Variants in SORCS1 observed in about 807,000 individuals in gnomAD.
The protein encoded by SORCS1 is sortilin related VPS10 domain containing receptor 1.
A neutral mutation model predicts 146.1 loss-of-function variants in SORCS1; 60 were observed. That is an observed-to-expected ratio of 0.41 (90% CI 0.33 to 0.51). SORCS1 has a LOEUF of 0.51. Among genes scored for constraint, SORCS1 ranks in the 20% least tolerant of loss-of-function variants. SORCS1 has a pLI of 0.21. For synonymous variants in SORCS1, 637 were observed against 584.0 expected, an observed-to-expected ratio of 1.09 and a Z score of -1.31; for missense variants, 1,352 against 1,487.6, an observed-to-expected ratio of 0.91 and a Z score of 1.50.
chr10:106,785,858 C>A (rs1053900534), intron 3 of SORCS1, among the ~76,000 whole-genome samples: 1 of 152,070 alleles, frequency 6.6e-6, no homozygotes, highest in African/African-American at 2.4e-5. Context: ...ACAATGAGGT[C>A]CATTTCATGT....
chr10:106,790,327 G>A (rs1390165400), intron 3 of SORCS1, among the ~76,000 whole-genome samples: 2 of 152,110 alleles, frequency 1.3e-5, no homozygotes, highest in Admixed American at 6.5e-5. Context: ...TCACTGAGAC[G>A]ATGAGTTATT....
intron 1 of SORCS1, among the ~76,000 whole-genome samples, chr10:107,109,484 T>C (rs990122907): frequency 5.3e-5 from 8 of 152,288 alleles, no homozygotes; most frequent in Middle Eastern, 3.4e-3. Context: ...GAGCCAAGGA[T>C]GGAGCCAGAG....
At chr10:106,710,862 C>T (rs1489987449) in intron 6 of SORCS1, among the ~76,000 whole-genome samples, 1 of 152,178 alleles carries the variant, frequency 6.6e-6, no homozygotes. Context: ...TTTAAAGACT[C>T]TTCATTTGCA....
rs923465094 is a variant in SORCS1, at chr10:106,902,263, T to C, written c.626+54250A>G. Reference sequence around the variant, plus strand: ...ACCTAGCAATTTTTAAAATAGTCCCTAACCTTTAGTCCAGTATCTTCCCCC... The same window carrying C: ...ACCTAGCAATTTTTAAAATAGTCCCCAACCTTTAGTCCAGTATCTTCCCCC... On this transcript the variant is annotated intron_variant, in intron 2 of 25. Coordinates refer to ENST00000263054, the MANE Select transcript of SORCS1 (RefSeq NM_052918.5). Among the ~76,000 whole-genome samples the C allele has an allele frequency of 7.2e-5, 11 of 152,138 alleles. 1 individual carries two copies. Among genetic ancestry groups the C allele is most frequent in the Admixed American group, 5.2e-4 (8 of 15,272 alleles).
At chr10:106,870,273 C>T (rs1438440349) in intron 2 of SORCS1, among the ~76,000 whole-genome samples, 1 of 152,142 alleles carries the variant, frequency 6.6e-6, no homozygotes, top group Non-Finnish European at 1.5e-5. Flanking sequence ...CTGGCCAAAG[C>T]AACCTACAGA....
intron 1 of SORCS1, among the ~76,000 whole-genome samples, chr10:107,109,219 C>T (rs983570158): frequency 9.2e-5 from 14 of 152,190 alleles, no homozygotes; most frequent in South Asian, 4.1e-4. Flanking sequence ...GTGAGGACTC[C>T]GTGGGGGGCC....
intron 3 of SORCS1, among the ~76,000 whole-genome samples, chr10:106,825,101 T>C (rs1044167609): frequency 2.0e-5 from 3 of 152,134 alleles, no homozygotes; most frequent in Non-Finnish European, 2.9e-5. Flanking sequence ...TTATATTCTT[T>C]AATCCTTGAA....
intron 5 of SORCS1, among the ~76,000 whole-genome samples, chr10:106,732,741 A>C (rs934446806): frequency 1.3e-5 from 2 of 152,164 alleles, no homozygotes; most frequent in Admixed American, 1.3e-4. Flanking sequence ...AATAAATAAT[A>C]GCAGTAGTTT....
At chr10:106,859,098 C>G (rs927551493) in intron 2 of SORCS1, among the ~76,000 whole-genome samples, 1 of 152,232 alleles carries the variant, frequency 6.6e-6, no homozygotes. Context: ...AGCAGACAAG[C>G]TGGTACTGGT....
chr10:107,105,845 A>C (rs1488035116), intron 1 of SORCS1, among the ~76,000 whole-genome samples: 2 of 152,136 alleles, frequency 1.3e-5, no homozygotes, highest in African/African-American at 4.8e-5. Context: ...TCAAGTTGAC[A>C]CTCAATATTA....
intron 6 of SORCS1, among the ~76,000 whole-genome samples, chr10:106,714,448 GA>G (rs1431248001): frequency 6.6e-6 from 1 of 151,964 alleles, no homozygotes; most frequent in African/African-American, 2.4e-5. Flanking sequence ...TCCTAGTTTT[GA>G]AAAATATACC....
intron 2 of SORCS1, among the ~76,000 whole-genome samples, chr10:106,901,845 C>T (rs1433664622): frequency 6.6e-6 from 1 of 152,078 alleles, no homozygotes; most frequent in African/African-American, 2.4e-5. Context: ...AGATGGAGAC[C>T]ATCCTGGCTA....
At chr10:106,650,805 G>A (rs1433897790) in intron 18 of SORCS1, among the ~76,000 whole-genome samples, 1 of 152,090 alleles carries the variant, frequency 6.6e-6, no homozygotes, top group East Asian at 1.9e-4. Flanking sequence ...CTTAAGAAAG[G>A]AATTTTAGCT....
At chr10:107,022,772 A>C (rs1958204176) in intron 1 of SORCS1, among the ~76,000 whole-genome samples, 1 of 152,220 alleles carries the variant, frequency 6.6e-6, no homozygotes, top group South Asian at 2.1e-4. Context: ...ACAACACAGC[A>C]GTGGTTCAGG....
chr10:106,576,665 C>A lies in SORCS1; in HGVS notation c.*755G>T, dbSNP rs1256809429. ...GGGATCTTCAACTCGCATCTTTGTTCCTGTGGCCACAGAGAGTGCAGAAAG... is the reference window on the plus strand; with the variant it reads ...GGGATCTTCAACTCGCATCTTTGTTACTGTGGCCACAGAGAGTGCAGAAAG... On this transcript the variant is annotated 3_prime_UTR_variant, in exon 26 of 26. Coordinates refer to ENST00000263054, the MANE Select transcript of SORCS1 (RefSeq NM_052918.5). The A allele has an allele frequency of 6.6e-6, 1 of 152,228 alleles. No individual in the cohort carries two copies. The highest frequency in any genetic ancestry group is 2.4e-5 in the African/African-American group (1 of 41,440). 9.4% of individuals were successfully genotyped at this position (152,228 alleles called of 1,614,324 possible). A position where few individuals can be genotyped will look rare whatever the true frequency, so the allele number is the denominator to read the frequency against.
At chr10:106,758,979 T>C (rs1170911870) in intron 5 of SORCS1, among the ~76,000 whole-genome samples, 1 of 152,250 alleles carries the variant, frequency 6.6e-6, no homozygotes, top group Non-Finnish European at 1.5e-5. Context: ...CCCTGTGTTA[T>C]CTCTGAGCCA....
intron 1 of SORCS1, among the ~76,000 whole-genome samples, chr10:107,106,044 C>A (rs1392122278): frequency 2.6e-5 from 4 of 152,200 alleles, no homozygotes; most frequent in Non-Finnish European, 4.4e-5. Context: ...TGGATTTGGA[C>A]TTCCGTGGAC....
At chr10:106,687,199 A>G (rs754313218) in intron 10 of SORCS1, among the ~76,000 whole-genome samples, 2 of 152,206 alleles carry the variant, frequency 1.3e-5, no homozygotes, top group Non-Finnish European at 2.9e-5. Flanking sequence ...TAAGAGGAAT[A>G]AGACGTGACC....
intron 1 of SORCS1, among the ~76,000 whole-genome samples, chr10:107,081,666 T>C (rs1404389783): frequency 6.6e-6 from 1 of 151,926 alleles, no homozygotes; most frequent in Non-Finnish European, 1.5e-5. Context: ...AGACAGTAAA[T>C]ATACAAAGAC....
Sources: allele counts gnomAD v4.1 joint callset (sites outside exome capture counted in the v4.1 genomes callset), GRCh38; gene constraint gnomAD v4.1.1; transcripts MANE v1.5; gene names NCBI Gene and HGNC (gene_info 2026-07-23, HGNC 2026-07-21).